Variants in WDPCP observed in about 807,000 individuals in gnomAD.
WDPCP encodes the protein WD repeat containing planar cell polarity effector.
Under a neutral mutation model 93.1 loss-of-function variants are expected in WDPCP, and 71 were observed. The observed-to-expected ratio is 0.76, with a 90% CI of 0.63 to 0.93. The LOEUF (loss-of-function observed/expected upper bound fraction) is 0.93. Among genes scored for constraint, WDPCP ranks in the 40% least tolerant of loss-of-function variants. The probability of loss-of-function intolerance (pLI) is 0.00; values close to 1 mark genes in which losing one functional copy is unlikely to be tolerated. For missense variants in WDPCP, 844 were observed against 887.4 expected (o/e 0.95, Z 0.62); for synonymous variants, 315 against 315.0 (o/e 1.00, Z 0.00).
chr2:63,738,745 T>A (rs1218606857), intron 2 of WDPCP, among the ~76,000 whole-genome samples: 2 of 152,130 alleles, frequency 1.3e-5, no homozygotes, highest in Non-Finnish European at 1.5e-5. Context: ...ATTGAAGTAT[T>A]ACCAGATAAA....
chr2:63,328,578 A>G (rs899463061), intron 12 of WDPCP, among the ~76,000 whole-genome samples: 2 of 152,180 alleles, frequency 1.3e-5, no homozygotes, highest in African/African-American at 4.8e-5. Flanking sequence ...TGGACACACC[A>G]TCTTTAAGAA....
intron 14 of WDPCP, among the ~76,000 whole-genome samples, chr2:63,214,712 A>G (rs1049008083): frequency 6.6e-6 from 1 of 152,202 alleles, no homozygotes; most frequent in Non-Finnish European, 1.5e-5. Context: ...ATGATTGTAT[A>G]TTTAGAAAAC....
At chr2:63,547,624 G>T (rs1327125090) in intron 1 of WDPCP, among the ~76,000 whole-genome samples, 1 of 151,060 alleles carries the variant, frequency 6.6e-6, no homozygotes, top group Non-Finnish European at 1.5e-5. Flanking sequence ...CCATTATAAA[G>T]AACGAAATTC....
At chr2:63,153,973 C>A (rs1672058716) in intron 15 of WDPCP, among the ~76,000 whole-genome samples, 1 of 151,678 alleles carries the variant, frequency 6.6e-6, no homozygotes, top group South Asian at 2.1e-4. Context: ...AAGTAATTCA[C>A]TTTTGATGTA....
At chr2:63,244,400 C>T (rs1345618089) in intron 14 of WDPCP, among the ~76,000 whole-genome samples, 2 of 151,918 alleles carry the variant, frequency 1.3e-5, no homozygotes, top group Non-Finnish European at 2.9e-5. Flanking sequence ...AGGCAAAAAT[C>T]CATACAAAAG....
In WDPCP at chr2:63,421,176, G is replaced by A. The variant is rs183461433; in HGVS notation, c.825+12569C>T. ...TCTCTTATTTGTAATCGTTTTCAAT[G>A]AAATCTGTCATTTGTATACAGGATA... On this transcript the variant is annotated intron_variant, in intron 9 of 17. Coordinates refer to ENST00000272321, the MANE Select transcript of WDPCP (RefSeq NM_015910.7). 2.7e-3 allele frequency among the ~76,000 whole-genome samples: 414 copies of A among 152,214 alleles called. 1 individual carries two copies. The highest frequency in any genetic ancestry group is 7.3e-3 in the South Asian group (35 of 4,824).
intron 6 of WDPCP, among the ~76,000 whole-genome samples, chr2:63,443,522 G>A (rs1697642498): frequency 6.6e-6 from 1 of 152,204 alleles, no homozygotes; most frequent in African/African-American, 2.4e-5. Flanking sequence ...AGTGTGGCTG[G>A]AGGGGAGTAA....
At chr2:63,236,804 C>T (rs979319244) in intron 14 of WDPCP, among the ~76,000 whole-genome samples, 3 of 152,070 alleles carry the variant, frequency 2.0e-5, no homozygotes, top group Non-Finnish European at 2.9e-5. Flanking sequence ...GGACCCCTAC[C>T]TCTCAACATA....
At chr2:63,590,146 T>G (rs1709154097), upstream of WDPCP, 1 of 152,232 alleles carries the variant, frequency 6.6e-6, no homozygotes, top group Admixed American at 6.5e-5. Flanking sequence ...TAAATTATGG[T>G]TTCGGTAGTT....
intron 2 of WDPCP, among the ~76,000 whole-genome samples, chr2:63,651,012 C>T (rs567700087): frequency 6.6e-6 from 1 of 152,136 alleles, no homozygotes; most frequent in African/African-American, 2.4e-5. Context: ...AATTTGTCTC[C>T]CTCGAATACA....
At chr2:63,389,376 C>T (rs1693021737) in intron 10 of WDPCP, among the ~76,000 whole-genome samples, 5 of 152,096 alleles carry the variant, frequency 3.3e-5, no homozygotes, top group Admixed American at 2.6e-4. Context: ...ACCAGGCCTG[C>T]CTTACAAGAG....
In WDPCP at chr2:63,157,691, A is replaced by G. The variant is rs1030108989; in HGVS notation, c.2079-4117T>C. 1.4e-4 allele frequency among the ~76,000 whole-genome samples: 22 copies of G among 152,144 alleles called. 1 individual carries two copies. In the East Asian group the frequency reaches 4.2e-3, roughly 29 times the overall value. On this transcript the variant is annotated intron_variant, in intron 15 of 17. Transcript: ENST00000272321. ...TTTGCATACAGTAGTTCATGACATT[A>G]TTTTTTATCTACTTAATGTCGGTAA...
In WDPCP at chr2:63,322,987, A is replaced by T. The variant is rs181697268; in HGVS notation, c.1749-9676T>A. On this transcript the variant is annotated intron_variant, in intron 12 of 17. Transcript: ENST00000272321. ...CTTTCTGGGAAAGGCCTTTCTAACA[A>T]TCCCTGACTCTTCAGAGTTGGTAGC... Among the ~76,000 whole-genome samples, 198 of 152,290 alleles carry T rather than the reference A, an allele frequency of 1.3e-3. 2 individuals are homozygous for T. Among genetic ancestry groups the T allele is most frequent in the African/African-American group, 4.5e-3 (186 of 41,556 alleles).
intron 2 of WDPCP, among the ~76,000 whole-genome samples, chr2:63,668,061 T>C (rs1710303443): frequency 6.6e-6 from 1 of 152,102 alleles, no homozygotes; most frequent in South Asian, 2.1e-4. Context: ...TACTAAATTG[T>C]GATGATTAAC....
intron 12 of WDPCP, among the ~76,000 whole-genome samples, chr2:63,370,101 T>C (rs1691258337): frequency 6.6e-6 from 1 of 152,174 alleles, no homozygotes; most frequent in Admixed American, 6.6e-5. Flanking sequence ...ATTATGTCAA[T>C]TTTGTTTGGT....
chr2:63,378,283 G>A, intron 12 of WDPCP, 103 bp downstream of exon 12: 6 of 1,491,002 alleles, frequency 4.0e-6, no homozygotes, highest in Non-Finnish European at 5.5e-6. Context: ...GAGATGGACT[G>A]TTAGGAAACA....
chr2:63,190,425 C>T, intron 14 of WDPCP, among the ~76,000 whole-genome samples: 1 of 121,800 alleles, frequency 8.2e-6, no homozygotes, highest in Non-Finnish European at 1.7e-5. Flanking sequence ...AGGGTGAGAC[C>T]TTGTCTCAAA....
In WDPCP at chr2:63,499,124, T is replaced by C. The variant is rs1462018401; in HGVS notation, c.76-6184A>G. On this transcript the variant is annotated intron_variant, in intron 1 of 17. Transcript: ENST00000272321. ...AACACCATATAATCAGGGTAGCAGA[T>C]AAAATAATCACAAAAACAATACGAA... 2.6e-5 allele frequency among the ~76,000 whole-genome samples: 4 copies of C among 152,134 alleles called. No homozygotes were observed. In the East Asian group the frequency reaches 7.7e-4, roughly 29 times the overall value.
the WDPCP span, among the ~76,000 whole-genome samples, chr2:63,833,172 A>G: frequency 6.6e-6 from 1 of 152,216 alleles, no homozygotes. Flanking sequence ...AGAATCGCTT[A>G]AACCCGGGAG....
Sources: allele counts gnomAD v4.1 joint callset (sites outside exome capture counted in the v4.1 genomes callset), GRCh38; gene constraint gnomAD v4.1.1; transcripts MANE v1.5; gene names NCBI Gene and HGNC (gene_info 2026-07-23, HGNC 2026-07-21).